Variants in KLHL1 observed in about 807,000 individuals in gnomAD.
KLHL1 encodes kelch like family member 1.
Under a neutral mutation model 77.7 loss-of-function variants are expected in KLHL1, and 47 were observed. That is an observed-to-expected ratio of 0.60 (90% CI 0.48 to 0.77). The LOEUF is 0.77. KLHL1 is among the 30% of genes least tolerant of loss of function. The pLI is 0.00. For missense variants in KLHL1, 925 were observed against 910.8 expected (o/e 1.02, Z -0.20); for synonymous variants, 360 against 325.2 (o/e 1.11, Z -1.15).
At chr13:69,927,775 T>C (rs1329615359) in intron 4 of KLHL1, among the ~76,000 whole-genome samples, 1 of 152,222 alleles carries the variant, frequency 6.6e-6, no homozygotes, top group Non-Finnish European at 1.5e-5. Flanking sequence ...ATGTAGTTCT[T>C]CACATACTGT....
chr13:69,804,187 G>A (rs559893806), intron 6 of KLHL1, among the ~76,000 whole-genome samples: 10 of 152,082 alleles, frequency 6.6e-5, no homozygotes, highest in Middle Eastern at 3.4e-3. Flanking sequence ...ATGACAAAAC[G>A]AACGGTAGAC....
intron 4 of KLHL1, among the ~76,000 whole-genome samples, chr13:69,909,488 AT>A (rs1394682877): frequency 2.0e-5 from 3 of 152,052 alleles, no homozygotes; most frequent in Non-Finnish European, 4.4e-5. Flanking sequence ...TTATTGAGCA[AT>A]CCAAAGCAAA....
chr13:69,956,160 G>GAT (rs1018215944), intron 3 of KLHL1, among the ~76,000 whole-genome samples: 1 of 132,944 alleles, frequency 7.5e-6, no homozygotes, highest in African/African-American at 2.9e-5. Flanking sequence ...ATATATATTT[G>GAT]ATATATATAT....
intron 1 of KLHL1, among the ~76,000 whole-genome samples, chr13:70,103,639 AT>A (rs1296599215): frequency 2.0e-5 from 3 of 152,094 alleles, no homozygotes; most frequent in Non-Finnish European, 4.4e-5. Flanking sequence ...CATAGGAAAG[AT>A]TTTCTAAGCA....
At chr13:69,939,378 T>TATATACAC (rs1200160699) in intron 4 of KLHL1, among the ~76,000 whole-genome samples, 3,397 of 69,156 alleles carry the variant, frequency 0.049, 129 homozygotes, top group Non-Finnish European at 0.062. Context: ...TATATATATA[T>TATATACAC]ACACACACAC....
intron 2 of KLHL1, among the ~76,000 whole-genome samples, chr13:69,967,343 C>T (rs562307544): frequency 4.3e-4 from 66 of 152,138 alleles, no homozygotes; most frequent in Admixed American, 2.0e-4. Context: ...TTCCAACCCT[C>T]ATATATGACT....
intron 4 of KLHL1, among the ~76,000 whole-genome samples, chr13:69,899,868 C>A (rs1345741179): frequency 6.6e-6 from 1 of 151,986 alleles, no homozygotes; most frequent in Admixed American, 6.6e-5. Flanking sequence ...ATAATTTGTA[C>A]TATGAACAAT....
intron 1 of KLHL1, among the ~76,000 whole-genome samples, chr13:70,102,901 T>C (rs955038088): frequency 7.2e-5 from 11 of 152,216 alleles, no homozygotes; most frequent in Non-Finnish European, 1.6e-4. Context: ...AGTAACTACC[T>C]GCTCCATGGT....
At chr13:69,785,915 G>A (rs1258852503) in intron 7 of KLHL1, among the ~76,000 whole-genome samples, 2 of 152,162 alleles carry the variant, frequency 1.3e-5, no homozygotes, top group East Asian at 3.9e-4. Context: ...AGAAGAAATG[G>A]ATAAATTCCT....
chr13:69,781,327 A>G, intron 7 of KLHL1, among the ~76,000 whole-genome samples: 1 of 138,910 alleles, frequency 7.2e-6, no homozygotes, highest in African/African-American at 2.7e-5. Flanking sequence ...AGTTCATGAG[A>G]AGGAATTTTG....
chr13:69,992,249 T>A (rs1885045580), intron 1 of KLHL1, among the ~76,000 whole-genome samples: 1 of 152,026 alleles, frequency 6.6e-6, no homozygotes, highest in Non-Finnish European at 1.5e-5. Flanking sequence ...ATGTATTGAG[T>A]GCCTACTCTC....
chr13:69,709,462 A>C (rs1172822441), intron 9 of KLHL1, among the ~76,000 whole-genome samples: 1 of 152,094 alleles, frequency 6.6e-6, no homozygotes, highest in African/African-American at 2.4e-5. Context: ...AGAAGTAACT[A>C]AGTTAAATGC....
At chr13:69,900,457 A>C (rs563621962) in intron 4 of KLHL1, among the ~76,000 whole-genome samples, 38 of 152,304 alleles carry the variant, frequency 2.5e-4, no homozygotes, top group African/African-American at 8.9e-4. Flanking sequence ...GGGAAACAAA[A>C]TGTGGATTTC....
chr13:69,838,957 T>A lies in KLHL1; in HGVS notation c.1414+19A>T, dbSNP rs747248420. 9 of 1,563,324 alleles carry A rather than the reference T, an allele frequency of 5.8e-6. No homozygotes were observed. The South Asian group carries it at 1.1e-4, about 19-fold the overall frequency. On this transcript the variant is annotated intron_variant, in intron 6 of 10. Transcript: ENST00000377844. ...GTATAACACAGGATGTATAGTTATA[T>A]AAATCCAGAATTAAATACCTTTGTT... is the stretch of plus-strand genomic sequence containing the variant.
Position 69,959,553 on chromosome 13 carries a change from T to G in KLHL1, c.817+1755A>C, listed in dbSNP as rs113502996. On this transcript the variant is annotated intron_variant, in intron 3 of 10. Transcript: ENST00000377844. The stretch of plus-strand genomic sequence containing the variant: ...GCTCACCCCTCTTTTTTCAGACTAC[T>G]CATTAAAAAAAAAAAACATGGAATT... 8.1e-3 allele frequency among the ~76,000 whole-genome samples: 991 copies of G among 123,032 alleles called. 14 individuals are homozygous for G. The highest frequency in any genetic ancestry group is 0.027 in the African/African-American group (946 of 34,864). The allele number at this position is 123,032 out of a possible 152,430, so 80.7% of individuals were successfully genotyped here.
At chr13:70,054,346 C>T (rs1010056086) in intron 1 of KLHL1, among the ~76,000 whole-genome samples, 2 of 152,060 alleles carry the variant, frequency 1.3e-5, no homozygotes, top group African/African-American at 2.4e-5. Context: ...TAATGTGATA[C>T]AAGTGTCCAG....
chr13:69,838,664 C>T (rs1196155298), intron 6 of KLHL1, among the ~76,000 whole-genome samples: 1 of 151,840 alleles, frequency 6.6e-6, no homozygotes, highest in Non-Finnish European at 1.5e-5. Context: ...TTGCATTTCA[C>T]ATTTCTTGGC....
At chr13:70,043,656 A>T (rs1005834457) in intron 1 of KLHL1, among the ~76,000 whole-genome samples, 11 of 152,314 alleles carry the variant, frequency 7.2e-5, no homozygotes, top group African/African-American at 2.6e-4. Context: ...ATTGTGTTAC[A>T]ATTGCCTACA....
Position 69,855,349 on chromosome 13 carries a change from CAGACAGATAG to C in KLHL1, c.1228-16197_1228-16188del, listed in dbSNP as rs1294432793. On this transcript the variant is annotated intron_variant, in intron 5 of 10. Transcript: ENST00000377844. ...ATAGATAGATAGATAGATAGATAGA[CAGACAGATAG>C]ATACATAGAGAGATAGATCTATAGA... Among the ~76,000 whole-genome samples, 340 of 87,772 alleles carry C rather than the reference CAGACAGATAG, an allele frequency of 3.9e-3. 3 individuals carry two copies. The highest frequency in any genetic ancestry group is 6.0e-3 in the Middle Eastern group (1 of 166). The allele number at this position is 87,772 out of a possible 152,430, so 57.6% of individuals were successfully genotyped here. A position where few individuals can be genotyped will look rare whatever the true frequency, so the allele number is the denominator to read the frequency against.
Sources: allele counts gnomAD v4.1 joint callset (sites outside exome capture counted in the v4.1 genomes callset), GRCh38; gene constraint gnomAD v4.1.1; transcripts MANE v1.5; gene names NCBI Gene and HGNC (gene_info 2026-07-23, HGNC 2026-07-21).